RORB: variants seen among roughly 807,000 people sequenced by gnomAD.
The protein encoded by RORB is nuclear receptor ROR-beta.
RORB carries 6 observed loss-of-function variants against 59.1 expected under a neutral mutation model. That is an observed-to-expected ratio of 0.10 (90% CI 0.06 to 0.20). RORB has a LOEUF of 0.20. Ranked by LOEUF, RORB falls within the 10% of genes least tolerant of loss-of-function variation. RORB has a pLI of 1.00. For missense variants in RORB, 320 were observed against 560.5 expected (o/e 0.57, Z 4.33); for synonymous variants, 215 against 204.5 (o/e 1.05, Z -0.44).
chr9:74,507,015 T>A (rs2118028415), intron 1 of RORB, among the ~76,000 whole-genome samples: 2 of 152,212 alleles, frequency 1.3e-5, no homozygotes, highest in Middle Eastern at 3.4e-3. Flanking sequence ...TAACTTTTAC[T>A]AGCCTGATTA....
At chr9:74,600,934 T>C (rs1823044666) in intron 1 of RORB, among the ~76,000 whole-genome samples, 1 of 152,124 alleles carries the variant, frequency 6.6e-6, no homozygotes, top group Non-Finnish European at 1.5e-5. Flanking sequence ...CAAAAATTCA[T>C]GTTAAGTGGC....
chr9:74,674,983 A>G (rs1036871668), intron 9 of RORB, among the ~76,000 whole-genome samples: 2 of 152,192 alleles, frequency 1.3e-5, no homozygotes, highest in Non-Finnish European at 2.9e-5. Context: ...TGCCCAGTCC[A>G]TAATAGGTAA....
At chr9:74,670,792 A>G (rs1824333532) in intron 8 of RORB, among the ~76,000 whole-genome samples, 1 of 151,950 alleles carries the variant, frequency 6.6e-6, no homozygotes, top group Admixed American at 6.6e-5. Context: ...GAGGGAGGGG[A>G]ACTTAATGTA....
intron 1 of RORB, among the ~76,000 whole-genome samples, chr9:74,602,843 T>G (rs979274252): frequency 2.0e-5 from 3 of 152,214 alleles, no homozygotes; most frequent in African/African-American, 7.2e-5. Flanking sequence ...ATATAAAGTA[T>G]TATTATTTAT....
chr9:74,527,969 G>A (rs200018913), intron 1 of RORB, among the ~76,000 whole-genome samples: 2 of 151,976 alleles, frequency 1.3e-5, no homozygotes, highest in Admixed American at 1.3e-4. Flanking sequence ...ATGGGGTTTC[G>A]GAGCTACTCT....
chr9:74,569,653 G>A (rs1822521154), intron 1 of RORB, among the ~76,000 whole-genome samples: 1 of 151,988 alleles, frequency 6.6e-6, no homozygotes, highest in South Asian at 2.1e-4. Flanking sequence ...GCTCATCATT[G>A]AAACCAGGTG....
At chr9:74,528,504 C>T (rs1175602956) in intron 1 of RORB, among the ~76,000 whole-genome samples, 3 of 151,918 alleles carry the variant, frequency 2.0e-5, no homozygotes, top group Admixed American at 6.6e-5. Context: ...AGTCTTGTTA[C>T]CCTTTCCACT....
At chr9:74,618,958 T>A (rs568485468) in intron 1 of RORB, among the ~76,000 whole-genome samples, 1 of 152,312 alleles carries the variant, frequency 6.6e-6, no homozygotes, top group South Asian at 2.1e-4. Context: ...TATATGAAAT[T>A]GGCAATATTA....
At chr9:74,638,641 C>T (rs1823742930) in intron 3 of RORB, among the ~76,000 whole-genome samples, 1 of 152,148 alleles carries the variant, frequency 6.6e-6, no homozygotes, top group Non-Finnish European at 1.5e-5. Context: ...ATTAACATGG[C>T]CTTTGTTAAA....
intron 3 of RORB, among the ~76,000 whole-genome samples, chr9:74,639,677 T>A (rs1823762811): frequency 6.6e-6 from 1 of 152,202 alleles, no homozygotes; most frequent in South Asian, 2.1e-4. Flanking sequence ...TCTATAGCAA[T>A]GGATACAAAC....
intron 1 of RORB, among the ~76,000 whole-genome samples, chr9:74,593,933 G>T (rs1467066445): frequency 1.3e-5 from 2 of 152,172 alleles, no homozygotes; most frequent in African/African-American, 4.8e-5. Context: ...AGGGAGCTGA[G>T]TCTTCACAAA....
At chr9:74,629,278 T>A (rs1008575193) in intron 1 of RORB, among the ~76,000 whole-genome samples, 4 of 151,240 alleles carry the variant, frequency 2.6e-5, no homozygotes, top group African/African-American at 9.7e-5. Context: ...AACTCACCTT[T>A]CTAAGGTGAG....
At chr9:74,541,279 C>CAAAAAAAAAAAAAAAAAAAAAAAAAAAA (rs374556016) in intron 1 of RORB, among the ~76,000 whole-genome samples, 1 of 43,612 alleles carries the variant, frequency 2.3e-5, no homozygotes, top group Non-Finnish European at 3.5e-5. Context: ...GACTCCATCT[C>CAAAAAAAAAAAAAAAAAAAAAAAAAAAA]AAAAAAAAAA....
At chr9:74,674,765 A>T (rs1824408812) in intron 9 of RORB, among the ~76,000 whole-genome samples, 1 of 152,194 alleles carries the variant, frequency 6.6e-6, no homozygotes, top group African/African-American at 2.4e-5. Flanking sequence ...GGGGAAAAAA[A>T]AACCCTATTA....
Position 74,613,627 on chromosome 9 carries a change from C to T in RORB, c.8-16655C>T, listed in dbSNP as rs539831141. Among the ~76,000 whole-genome samples the T allele has an allele frequency of 2.6e-5, 4 of 152,292 alleles. No individual in the cohort carries two copies. In the South Asian group the frequency reaches 8.3e-4, roughly 32 times the overall value. On this transcript the variant is annotated intron_variant, in intron 1 of 9. Transcript: ENST00000376896. ...CTGGACATCAATATTTTTAAGCTCTCTGGGTTATTCCAATGGGCATCCACA... is the reference window on the plus strand; with the variant it reads ...CTGGACATCAATATTTTTAAGCTCTTTGGGTTATTCCAATGGGCATCCACA...
At chr9:74,578,484 C>T (rs1822670234) in intron 1 of RORB, among the ~76,000 whole-genome samples, 1 of 152,068 alleles carries the variant, frequency 6.6e-6, no homozygotes, top group African/African-American at 2.4e-5. Context: ...ACACCAATGA[C>T]ATGCAATTTA....
rs974989330 is a variant in RORB, at chr9:74,691,956, A to T, written c.*6338A>T. ...CTAGAAAATACGAAAAAGGAAAATT[A>T]AAAAAAAAAGTTGCCTGAGTTAAGT... On this transcript the variant is annotated 3_prime_UTR_variant, in exon 10 of 10. Transcript: ENST00000376896. The T allele has an allele frequency of 1.9e-4, 29 of 149,658 alleles. No individual in the cohort carries two copies. Among genetic ancestry groups the T allele is most frequent in the African/African-American group, 6.6e-4 (27 of 40,818 alleles). 9.3% of individuals were successfully genotyped at this position (149,658 alleles called of 1,614,324 possible). A position where few individuals can be genotyped will look rare whatever the true frequency, so the allele number is the denominator to read the frequency against.
intron 6 of RORB, among the ~76,000 whole-genome samples, 175 bp from the exon 7 acceptor site, chr9:74,665,313 A>G (rs771077744): frequency 5.3e-5 from 8 of 152,008 alleles, no homozygotes; most frequent in Non-Finnish European, 8.8e-5. Flanking sequence ...TAGTTATTTT[A>G]GGGGAAGGAA....
intron 1 of RORB, among the ~76,000 whole-genome samples, chr9:74,596,571 C>A (rs1822974164): frequency 6.6e-6 from 1 of 152,124 alleles, no homozygotes; most frequent in Admixed American, 6.5e-5. Flanking sequence ...GCATTTAGAA[C>A]ACACACTGAT....
Sources: allele counts gnomAD v4.1 joint callset (sites outside exome capture counted in the v4.1 genomes callset), GRCh38; gene constraint gnomAD v4.1.1; transcripts MANE v1.5; gene names NCBI Gene and HGNC (gene_info 2026-07-23, HGNC 2026-07-21).